The following HS3ST5 variants were observed in gnomAD, a reference collection of about 807,000 sequenced individuals.
The protein encoded by HS3ST5 is heparan sulfate glucosamine 3-O-sulfotransferase 5.
HS3ST5 carries 10 observed loss-of-function variants against 25.4 expected under a neutral mutation model. The ratio of observed to expected loss-of-function variants is 0.39; its 90% CI spans 0.24 to 0.67. The LOEUF is 0.67. Among genes scored for constraint, HS3ST5 ranks in the 30% least tolerant of loss-of-function variants. HS3ST5 has a pLI of 0.44. For missense variants in HS3ST5, 324 were observed against 420.7 expected, an observed-to-expected ratio of 0.77 and a Z score of 2.01; for synonymous variants, 170 against 162.4, an observed-to-expected ratio of 1.05 and a Z score of -0.36.
intron 3 of HS3ST5, among the ~76,000 whole-genome samples, chr6:114,147,224 G>T (rs1239400043): frequency 6.6e-6 from 1 of 152,166 alleles, no homozygotes; most frequent in Non-Finnish European, 1.5e-5. Flanking sequence ...GTGGGATTTT[G>T]AAAACACATA....
intron 2 of HS3ST5, among the ~76,000 whole-genome samples, chr6:114,209,366 T>C (rs1053582580): frequency 6.6e-6 from 1 of 152,116 alleles, no homozygotes; most frequent in Non-Finnish European, 1.5e-5. Context: ...TTTTTATACC[T>C]TCTTTTTTTA....
At chr6:114,157,301 CTG>C (rs1372966188) in intron 3 of HS3ST5, among the ~76,000 whole-genome samples, 1 of 152,232 alleles carries the variant, frequency 6.6e-6, no homozygotes, top group Admixed American at 6.5e-5. Flanking sequence ...TTCCTGCCTC[CTG>C]TCTCATTCCC....
At chr6:114,143,385 A>G (rs1236934966) in intron 3 of HS3ST5, among the ~76,000 whole-genome samples, 1 of 152,226 alleles carries the variant, frequency 6.6e-6, no homozygotes, top group African/African-American at 2.4e-5. Context: ...AGATCACTAT[A>G]TATAACCATT....
intron 4 of HS3ST5, chr6:114,059,301 CAAAAAGGCTGTT>C (rs1772955113): frequency 6.6e-6 from 1 of 152,156 alleles, no homozygotes; most frequent in Non-Finnish European, 1.5e-5. Context: ...TAATATCAGT[CAAAAAGGCTGTT>C]AAACCAATTC....
intron 3 of HS3ST5, 76 bp from the exon 4 acceptor site, chr6:114,062,953 G>A (rs112241962): frequency 5.2e-6 from 4 of 772,400 alleles, no homozygotes; most frequent in Non-Finnish European, 8.7e-6. Context: ...AGAGGTGGAA[G>A]ACAGGTGATA....
intron 1 of HS3ST5, among the ~76,000 whole-genome samples, chr6:114,306,256 T>TATACACACAC (rs756494412): frequency 8.1e-4 from 94 of 115,396 alleles, no homozygotes; most frequent in African/African-American, 2.8e-3. Context: ...TATATATATA[T>TATACACACAC]ACACACACAC....
chr6:114,326,876 T>A, intron 1 of HS3ST5, among the ~76,000 whole-genome samples: 1 of 152,298 alleles, frequency 6.6e-6, no homozygotes, highest in Non-Finnish European at 1.5e-5. Context: ...TAAACCTCTA[T>A]TCTTAATAGG....
chr6:114,305,806 TCA>T (rs1168078567), intron 1 of HS3ST5, among the ~76,000 whole-genome samples: 1 of 152,088 alleles, frequency 6.6e-6, no homozygotes, highest in Non-Finnish European at 1.5e-5. Flanking sequence ...TTTTGCACCA[TCA>T]ATACAAATCT....
chr6:114,336,422 A>G (rs1038513646), intron 1 of HS3ST5, among the ~76,000 whole-genome samples: 2 of 152,198 alleles, frequency 1.3e-5, no homozygotes, highest in East Asian at 1.9e-4. Flanking sequence ...AGTCTGGCCA[A>G]CATGGCAAAA....
intron 1 of HS3ST5, among the ~76,000 whole-genome samples, chr6:114,320,914 C>CTATA (rs35362794): frequency 3.7e-5 from 5 of 135,728 alleles, no homozygotes; most frequent in South Asian, 2.4e-4. Flanking sequence ...CTCTCTCTCT[C>CTATA]TATATATATA....
intron 3 of HS3ST5, among the ~76,000 whole-genome samples, chr6:114,078,230 G>A (rs895038087): frequency 4.0e-5 from 6 of 151,122 alleles, no homozygotes; most frequent in African/African-American, 1.5e-4. Context: ...TTTCTGAGAC[G>A]GGGTCTTGCT....
intron 3 of HS3ST5, among the ~76,000 whole-genome samples, chr6:114,103,831 C>T (rs1775854363): frequency 1.3e-5 from 2 of 148,742 alleles, no homozygotes; most frequent in African/African-American, 2.5e-5. Context: ...GCTGGGACTA[C>T]AAGCACCTGC....
At chr6:114,158,844 C>G (rs1778814056) in intron 3 of HS3ST5, among the ~76,000 whole-genome samples, 1 of 152,122 alleles carries the variant, frequency 6.6e-6, no homozygotes, top group Admixed American at 6.6e-5. Flanking sequence ...TATAATTGGG[C>G]AAACCAAAAA....
intron 3 of HS3ST5, among the ~76,000 whole-genome samples, chr6:114,088,356 T>G (rs904025957): frequency 6.6e-6 from 1 of 152,100 alleles, no homozygotes. Context: ...GCTTTCTTAT[T>G]CTTTTCTTCT....
chr6:114,213,628 A>T (rs2114447638), intron 2 of HS3ST5, among the ~76,000 whole-genome samples: 1 of 152,156 alleles, frequency 6.6e-6, no homozygotes, highest in East Asian at 1.9e-4. Context: ...TTCCTCCTGT[A>T]TACCTGTCCC....
At chr6:114,168,883 T>C (rs1047717738) in intron 2 of HS3ST5, among the ~76,000 whole-genome samples, 17 of 152,226 alleles carry the variant, frequency 1.1e-4, no homozygotes, top group African/African-American at 4.1e-4. Flanking sequence ...GATAGCTATA[T>C]GATTATTTAT....
chr6:114,076,023 G>A (rs1184281210), intron 3 of HS3ST5, among the ~76,000 whole-genome samples: 1 of 152,168 alleles, frequency 6.6e-6, no homozygotes, highest in Non-Finnish European at 1.5e-5. Flanking sequence ...CATGCCCCCA[G>A]AAGAAAGGGT....
intron 3 of HS3ST5, among the ~76,000 whole-genome samples, chr6:114,139,738 A>T (rs922096511): frequency 6.6e-6 from 1 of 152,152 alleles, no homozygotes; most frequent in Non-Finnish European, 1.5e-5. Context: ...CAACTTGTGG[A>T]GCAGTATGTG....
chr6:114,186,665 T>C (rs1780230858), intron 2 of HS3ST5, among the ~76,000 whole-genome samples: 2 of 152,334 alleles, frequency 1.3e-5, no homozygotes, highest in South Asian at 4.1e-4. Flanking sequence ...CTAGCTAAGA[T>C]AATTAACGAA....
Sources: allele counts gnomAD v4.1 joint callset (sites outside exome capture counted in the v4.1 genomes callset), GRCh38; gene constraint gnomAD v4.1.1; transcripts MANE v1.5; gene names NCBI Gene and HGNC (gene_info 2026-07-23, HGNC 2026-07-21).